ZBTB38: variants seen among roughly 807,000 people sequenced by gnomAD.
ZBTB38 encodes the protein zinc finger and BTB domain containing 38, also known as zinc finger and BTB domain-containing protein 38.
ZBTB38 carries 20 observed loss-of-function variants against 76.8 expected under a neutral mutation model. That is an observed-to-expected ratio of 0.26 (90% CI 0.18 to 0.38). The LOEUF (loss-of-function observed/expected upper bound fraction) is 0.38, where lower values mean the gene tolerates loss of function less well. Among genes scored for constraint, ZBTB38 ranks in the 10% least tolerant of loss-of-function variants. The pLI is 1.00. For synonymous variants in ZBTB38, 504 were observed against 544.2 expected (o/e 0.93, Z 1.03); for missense variants, 1,082 against 1,482.3 (o/e 0.73, Z 4.43).
chr3:141,337,059 G>A (rs6807533), intron 1 of ZBTB38, among the ~76,000 whole-genome samples: 38,249 of 152,078 alleles, frequency 0.25, 8,781 homozygotes, highest in African/African-American at 0.6. Context: ...CTCCTTTGAC[G>A]CCCACTTCCA....
intron 5 of ZBTB38, chr3:141,427,778 C>T (rs914604032): frequency 2.6e-5 from 4 of 152,290 alleles, no homozygotes; most frequent in African/African-American, 9.6e-5. Flanking sequence ...GCATGAGCCC[C>T]ATAATCCCTG....
rs1957305534 is a variant in ZBTB38, at chr3:141,413,337, T to C, written c.-1+9306T>C. On this transcript the variant is annotated intron_variant, in intron 5 of 5. Transcript: ENST00000321464. This position sits in a 1 kb window ranked among gnomAD's most constrained non-coding sequence, Gnocchi z 4.1. ...ATGCTCCCCAGACTGAGGAATCAGCTGCACATCCCCCTGATGTCTCTAAAG... is the reference window on the plus strand; with the variant it reads ...ATGCTCCCCAGACTGAGGAATCAGCCGCACATCCCCCTGATGTCTCTAAAG... 6.6e-6 allele frequency among the ~76,000 whole-genome samples: 1 copy of C among 152,160 alleles called. No individual in the cohort carries two copies. Among genetic ancestry groups the C allele is most frequent in the South Asian group, 2.1e-4 (1 of 4,822 alleles).
At chr3:141,328,003 T>C (rs946565199) in intron 1 of ZBTB38, among the ~76,000 whole-genome samples, 1 of 152,120 alleles carries the variant, frequency 6.6e-6, no homozygotes, top group African/African-American at 2.4e-5. Context: ...CCAAGATTAA[T>C]GGGGAAAGAT....
intron 2 of ZBTB38, among the ~76,000 whole-genome samples, chr3:141,377,161 C>G (rs192094838): frequency 2.0e-5 from 3 of 152,208 alleles, no homozygotes; most frequent in Non-Finnish European, 4.4e-5. Context: ...CAAAGAGGCC[C>G]AGCATCCCCA....
intron 4 of ZBTB38, among the ~76,000 whole-genome samples, 177 bp from the exon 5 acceptor site, chr3:141,403,750 G>A (rs991445041): frequency 6.6e-6 from 1 of 152,160 alleles, no homozygotes; most frequent in Non-Finnish European, 1.5e-5. Flanking sequence ...GTAAAATGGG[G>A]GAATGTTCCC....
chr3:141,402,344 C>A (rs1181916966), intron 4 of ZBTB38: 1 of 151,672 alleles, frequency 6.6e-6, no homozygotes, highest in Non-Finnish European at 1.5e-5. Flanking sequence ...GAGCCGCCGG[C>A]GTCCATTTTC....
chr3:141,359,217 TC>T, intron 1 of ZBTB38, among the ~76,000 whole-genome samples: 1 of 152,308 alleles, frequency 6.6e-6, no homozygotes, highest in South Asian at 2.1e-4. Context: ...ACTCTGACCT[TC>T]CCCCTCATTG....
At chr3:141,350,840 C>T (rs188496828) in intron 1 of ZBTB38, among the ~76,000 whole-genome samples, 2 of 152,136 alleles carry the variant, frequency 1.3e-5, no homozygotes, top group African/African-American at 4.8e-5. Flanking sequence ...TAAGAACATT[C>T]CTTTCCTCTA....
At chr3:141,388,501 T>TCATTGCAGAC (rs748759040) in intron 4 of ZBTB38, 1 of 152,200 alleles carries the variant, frequency 6.6e-6, no homozygotes, top group Non-Finnish European at 1.5e-5. Context: ...CTAGAATGGT[T>TCATTGCAGAC]CATTGCAGAC....
intron 2 of ZBTB38, among the ~76,000 whole-genome samples, chr3:141,377,213 A>C (rs780942223): frequency 6.6e-6 from 1 of 152,234 alleles, no homozygotes; most frequent in African/African-American, 2.4e-5. Flanking sequence ...CAACTGGGCA[A>C]ACCCAAAGAC....
chr3:141,446,074 G>T lies in ZBTB38; in HGVS notation c.*98G>T. 2.0e-6 allele frequency: 2 copies of T among 998,604 alleles called. No individual in the cohort carries two copies. The highest frequency in any genetic ancestry group is 3.0e-4 in the Middle Eastern group (1 of 3,296). The allele number at this position is 998,604 out of a possible 1,614,324, so 61.9% of individuals were successfully genotyped here. On this transcript the variant is annotated 3_prime_UTR_variant, in exon 6 of 6. Transcript: ENST00000321464. ...TTTTGTCCATGTGACAGTCATGAAG[G>T]AGTGAAATTAAAAAAAAAAAAAACT...
At chr3:141,329,935 C>T (rs746714959) in intron 1 of ZBTB38, among the ~76,000 whole-genome samples, 3 of 151,712 alleles carry the variant, frequency 2.0e-5, no homozygotes, top group Non-Finnish European at 4.4e-5. Context: ...TCAAGACTAG[C>T]CTGGGCAACA....
chr3:141,365,068 CA>C (rs373550540), upstream of ZBTB38, among the ~76,000 whole-genome samples: 13 of 145,378 alleles, frequency 8.9e-5, no homozygotes, highest in African/African-American at 2.5e-4. Context: ...TGCATGTCCA[CA>C]AAAAAAAAAC....
chr3:141,329,083 C>T (rs972294122), intron 1 of ZBTB38, among the ~76,000 whole-genome samples: 2 of 152,096 alleles, frequency 1.3e-5, no homozygotes, highest in South Asian at 2.1e-4. Context: ...AATACAACAG[C>T]GAACAAGCCA....
intron 5 of ZBTB38, among the ~76,000 whole-genome samples, chr3:141,427,100 G>T (rs533471948): frequency 3.9e-5 from 6 of 152,176 alleles, no homozygotes; most frequent in African/African-American, 1.4e-4. Flanking sequence ...TGGAAAGCTC[G>T]GTAACAGTGC....
At chr3:141,436,274 CT>C (rs2078761237) in intron 5 of ZBTB38, among the ~76,000 whole-genome samples, 2 of 152,198 alleles carry the variant, frequency 1.3e-5, no homozygotes, top group Admixed American at 1.3e-4. Context: ...TGTCTAAGAT[CT>C]GTGGGTCCAA....
rs560881593 is a variant in ZBTB38 at position 141,425,629 on chromosome 3, C to G, written c.1-16760C>G. ...CTACCACAGGGCATAGCCTGTACCCCACACGTGGCAGCCCTGCTCCAGGCC... is the reference window on the plus strand; with the variant it reads ...CTACCACAGGGCATAGCCTGTACCCGACACGTGGCAGCCCTGCTCCAGGCC... On this transcript the variant is annotated intron_variant, in intron 5 of 5. Coordinates refer to ENST00000321464, the MANE Select transcript of ZBTB38 (RefSeq NM_001376113.1). Among the ~76,000 whole-genome samples the G allele has an allele frequency of 3.2e-3, 490 of 152,374 alleles. 1 individual carries two copies. Among genetic ancestry groups the G allele is most frequent in the Non-Finnish European group, 5.7e-3 (387 of 68,040 alleles).
At chr3:141,384,636 T>G (rs1946675552) in intron 3 of ZBTB38, among the ~76,000 whole-genome samples, 1 of 152,122 alleles carries the variant, frequency 6.6e-6, no homozygotes, top group Admixed American at 6.5e-5. Context: ...CGTGATCATC[T>G]CTCTAATTCT....
intron 4 of ZBTB38, chr3:141,388,550 A>C (rs1445433761): frequency 6.6e-6 from 1 of 152,170 alleles, no homozygotes; most frequent in East Asian, 1.9e-4. Context: ...AAATAATTTC[A>C]TGAGCTCTTT....
Sources: gnomAD v4.1 joint callset for allele counts (sites outside exome capture counted in the v4.1 genomes callset) on GRCh38, gnomAD v4.1.1 for gene constraint, Gnocchi (gnomAD v3.1) non-coding constraint, MANE v1.5 for transcripts, NCBI Gene and HGNC (gene_info 2026-07-23, HGNC 2026-07-21) for gene names.